The following SLC4A4 variants were observed in gnomAD, a reference collection of about 807,000 sequenced individuals.
SLC4A4 encodes electrogenic sodium bicarbonate cotransporter 1.
Under a neutral mutation model 111.5 loss-of-function variants are expected in SLC4A4, and 27 were observed. That is an observed-to-expected ratio of 0.24 (90% CI 0.18 to 0.33). SLC4A4 has a LOEUF of 0.33. Among genes scored for constraint, SLC4A4 ranks in the 10% least tolerant of loss-of-function variants. SLC4A4 has a pLI of 1.00. For missense variants in SLC4A4, 909 were observed against 1,315.5 expected, an observed-to-expected ratio of 0.69 and a Z score of 4.78; for synonymous variants, 443 against 463.4, an observed-to-expected ratio of 0.96 and a Z score of 0.57.
intron 2 of SLC4A4, among the ~76,000 whole-genome samples, chr4:71,243,333 C>G (rs1329541524): frequency 2.0e-5 from 3 of 152,106 alleles, no homozygotes; most frequent in Non-Finnish European, 4.4e-5. Flanking sequence ...TGAGATTATG[C>G]AACAGTATGG....
intron 3 of SLC4A4, chr4:71,339,019 T>G: frequency 7.1e-7 from 1 of 1,415,940 alleles, no homozygotes; most frequent in Non-Finnish European, 9.2e-7. Flanking sequence ...AGCTGGCTTT[T>G]GTCTTATAAT....
intron 7 of SLC4A4, among the ~76,000 whole-genome samples, chr4:71,416,451 A>G (rs1378324274): frequency 6.6e-6 from 1 of 152,216 alleles, no homozygotes; most frequent in Non-Finnish European, 1.5e-5. Context: ...TTGCTCTCTC[A>G]CAAAACATCT....
chr4:71,534,216 T>C lies in SLC4A4; in HGVS notation c.2281-11T>C, dbSNP rs751317724. ...ATAATTTTCTGAAAAATGTCATCTG[T>C]CTTTTTCAAGCCAACAAGTCCAAAC... On this transcript the variant is annotated splice_polypyrimidine_tract_variant and intron_variant, in intron 17 of 25. Coordinates refer to ENST00000264485, the MANE Select transcript of SLC4A4 (RefSeq NM_001098484.3). The C allele has an allele frequency of 1.1e-5, 17 of 1,613,280 alleles. No homozygotes were observed. The Admixed American group carries it at 2.8e-4, about 27-fold the overall frequency.
upstream of SLC4A4, among the ~76,000 whole-genome samples, chr4:71,186,571 T>G (rs1286092230): frequency 6.6e-6 from 1 of 151,746 alleles, no homozygotes; most frequent in East Asian, 1.9e-4. Flanking sequence ...GGGCGGGCGC[T>G]GCGCACAGAG....
At chr4:71,350,819 A>G (rs1289650574) in intron 5 of SLC4A4, among the ~76,000 whole-genome samples, 1 of 152,108 alleles carries the variant, frequency 6.6e-6, no homozygotes, top group African/African-American at 2.4e-5. Flanking sequence ...CAGGTCTTTG[A>G]TCCACATCTT....
At chr4:71,472,010 C>T (rs1002868975) in intron 13 of SLC4A4, among the ~76,000 whole-genome samples, 2 of 151,888 alleles carry the variant, frequency 1.3e-5, no homozygotes, top group African/African-American at 4.8e-5. Context: ...CTAATTCCAC[C>T]TCATGTTGGT....
chr4:71,321,147 A>G (rs1310639144), intron 3 of SLC4A4, among the ~76,000 whole-genome samples: 1 of 152,034 alleles, frequency 6.6e-6, no homozygotes. Flanking sequence ...GCCAGCCCAC[A>G]TACCCACTCT....
intron 2 of SLC4A4, among the ~76,000 whole-genome samples, chr4:71,240,610 AG>A (rs1271041783): frequency 6.6e-6 from 1 of 152,118 alleles, no homozygotes; most frequent in Non-Finnish European, 1.5e-5. Context: ...GGACATTAGG[AG>A]GGAGTGTTGT....
chr4:71,269,905 G>C (rs150504666), intron 3 of SLC4A4, among the ~76,000 whole-genome samples: 1 of 152,120 alleles, frequency 6.6e-6, no homozygotes, highest in Admixed American at 6.5e-5. Flanking sequence ...CTCCATTCTC[G>C]TGATCTGTGA....
intron 7 of SLC4A4, among the ~76,000 whole-genome samples, chr4:71,436,270 A>C: frequency 6.6e-6 from 1 of 152,196 alleles, no homozygotes; most frequent in East Asian, 1.9e-4. Flanking sequence ...GACATGGATG[A>C]AGCTGGAAAC....
rs769785805 is a variant in SLC4A4, at chr4:71,397,690, G to T, written c.807+37G>T. The T allele has an allele frequency of 1.1e-5, 17 of 1,525,680 alleles. No individual in the cohort carries two copies. The Admixed American group carries it at 2.3e-4, about 21-fold the overall frequency. 94.5% of individuals were successfully genotyped at this position (1,525,680 alleles called of 1,614,324 possible). A position where few individuals can be genotyped will look rare whatever the true frequency, so the allele number is the denominator to read the frequency against. On this transcript the variant is annotated intron_variant, in intron 7 of 25. Transcript: ENST00000264485. ...ATTCTTGCTTCTTTGAAATGTAAGA[G>T]AACGTATATCTAAAAGATGCTGAGA...
In SLC4A4 at chr4:71,309,457, C is replaced by T. The variant is rs370425700; in HGVS notation, c.254-29913C>T. On this transcript the variant is annotated intron_variant, in intron 3 of 25. Transcript: ENST00000264485. ...AGAGAGACCTCCCAACAGGGGTTGA[C>T]AGACACCTCATACAGGAGGAAGGAG... 4.6e-5 allele frequency among the ~76,000 whole-genome samples: 7 copies of T among 152,252 alleles called. No homozygotes were observed. In the South Asian group the frequency reaches 1.4e-3, roughly 32 times the overall value.
At chr4:71,224,283 C>T (rs904910875) in intron 1 of SLC4A4, among the ~76,000 whole-genome samples, 8 of 152,196 alleles carry the variant, frequency 5.3e-5, no homozygotes, top group Non-Finnish European at 8.8e-5. Context: ...GGTGTTGGTC[C>T]TGACTTCCTC....
intron 14 of SLC4A4, among the ~76,000 whole-genome samples, chr4:71,474,636 T>C (rs1047435672): frequency 2.0e-5 from 3 of 151,886 alleles, no homozygotes; most frequent in Non-Finnish European, 4.4e-5. Context: ...TAGGGCATTG[T>C]TGGGCTGTGT....
intron 7 of SLC4A4, among the ~76,000 whole-genome samples, chr4:71,432,510 T>C (rs1723732626): frequency 6.6e-6 from 1 of 152,198 alleles, no homozygotes; most frequent in Non-Finnish European, 1.5e-5. Context: ...ATCTGTAAGA[T>C]GTAAATTTTT....
intron 8 of SLC4A4, among the ~76,000 whole-genome samples, chr4:71,446,933 T>C (rs922412442): frequency 6.6e-6 from 1 of 152,248 alleles, no homozygotes; most frequent in Non-Finnish European, 1.5e-5. Flanking sequence ...GAGGTGAACC[T>C]AAGTGGGGTT....
chr4:71,231,997 C>T (rs958266720), intron 1 of SLC4A4, among the ~76,000 whole-genome samples: 2 of 152,154 alleles, frequency 1.3e-5, no homozygotes, highest in East Asian at 3.9e-4. Flanking sequence ...TGCTGAATTC[C>T]TGTATTTTGT....
chr4:71,288,525 A>T (rs189549057), intron 3 of SLC4A4, among the ~76,000 whole-genome samples: 56 of 151,988 alleles, frequency 3.7e-4, no homozygotes, highest in African/African-American at 1.3e-3. Flanking sequence ...CAGCCTCCCT[A>T]GTAGCTGGGA....
intron 16 of SLC4A4, among the ~76,000 whole-genome samples, chr4:71,501,474 G>C (rs906041959): frequency 6.6e-6 from 1 of 150,436 alleles, no homozygotes; most frequent in East Asian, 1.9e-4. Context: ...GTTTGTTGTT[G>C]TATAATTGTT....
Sources: allele counts gnomAD v4.1 joint callset (sites outside exome capture counted in the v4.1 genomes callset), GRCh38; gene constraint gnomAD v4.1.1; transcripts MANE v1.5; gene names NCBI Gene and HGNC (gene_info 2026-07-23, HGNC 2026-07-21).